The following ERBB4 variants were observed in gnomAD, a reference collection of about 807,000 sequenced individuals.
The protein encoded by ERBB4 is receptor tyrosine-protein kinase erbB-4.
A neutral mutation model predicts 158.0 loss-of-function variants in ERBB4; 42 were observed. The ratio of observed to expected loss-of-function variants is 0.27; its 90% CI spans 0.21 to 0.34. ERBB4 has a LOEUF of 0.34. Ranked by LOEUF, ERBB4 falls within the 10% of genes least tolerant of loss-of-function variation. The pLI is 1.00. For synonymous variants in ERBB4, 583 were observed against 558.7 expected (o/e 1.04, Z -0.61); for missense variants, 1,333 against 1,624.1 (o/e 0.82, Z 3.08).
At chr2:212,526,595 TA>T (rs1416111461) in intron 1 of ERBB4, among the ~76,000 whole-genome samples, 4 of 152,044 alleles carry the variant, frequency 2.6e-5, no homozygotes, top group Non-Finnish European at 4.4e-5. Flanking sequence ...GTTTAGTTGA[TA>T]TTTTTTTAAA....
intron 1 of ERBB4, among the ~76,000 whole-genome samples, chr2:212,487,452 C>T (rs183405375): frequency 2.1e-4 from 32 of 151,306 alleles, no homozygotes; most frequent in Admixed American, 1.6e-3. Context: ...TGGGGAGGTG[C>T]GACAAATAAA....
intron 3 of ERBB4, among the ~76,000 whole-genome samples, chr2:211,790,716 A>G (rs2076260269): frequency 2.0e-5 from 3 of 152,036 alleles, no homozygotes; most frequent in Admixed American, 1.3e-4. Context: ...TCTGCTAGCA[A>G]TTCTGGTCAG....
chr2:211,908,104 C>A (rs2079446196), intron 3 of ERBB4, among the ~76,000 whole-genome samples: 1 of 151,510 alleles, frequency 6.6e-6, no homozygotes, highest in African/African-American at 2.4e-5. Context: ...ATACAGACAA[C>A]ACAAGAGAGG....
intron 1 of ERBB4, among the ~76,000 whole-genome samples, chr2:212,371,455 A>T (rs1270286548): frequency 6.6e-6 from 1 of 152,168 alleles, no homozygotes; most frequent in African/African-American, 2.4e-5. Flanking sequence ...CATCTCCTAC[A>T]TGCTGGTTTC....
intron 4 of ERBB4, among the ~76,000 whole-genome samples, chr2:211,765,572 G>A (rs544141342): frequency 1.3e-5 from 2 of 152,076 alleles, no homozygotes; most frequent in African/African-American, 4.8e-5. Flanking sequence ...AAAACTGCAT[G>A]ATGGTAATCA....
At chr2:212,473,238 C>T (rs929869824) in intron 1 of ERBB4, among the ~76,000 whole-genome samples, 5 of 151,774 alleles carry the variant, frequency 3.3e-5, no homozygotes, top group African/African-American at 4.8e-5. Flanking sequence ...CTGACAGGCT[C>T]GGGGGTGTGA....
chr2:212,060,813 G>T (rs1433855017), intron 2 of ERBB4, among the ~76,000 whole-genome samples: 1 of 150,100 alleles, frequency 6.7e-6, no homozygotes, highest in Non-Finnish European at 1.5e-5. Flanking sequence ...CCTGTCATGG[G>T]GTGGGGAGAT....
chr2:212,430,529 C>T (rs2092005321), intron 1 of ERBB4, among the ~76,000 whole-genome samples: 1 of 151,904 alleles, frequency 6.6e-6, no homozygotes, highest in African/African-American at 2.4e-5. Context: ...CAGCCTCCAC[C>T]TCCTGGGTTG....
At chr2:212,286,211 A>G (rs957676776) in intron 1 of ERBB4, among the ~76,000 whole-genome samples, 25 of 152,198 alleles carry the variant, frequency 1.6e-4, no homozygotes, top group Non-Finnish European at 3.2e-4. Context: ...CGGTTTACTG[A>G]AGCATTAAAC....
At chr2:212,273,226 C>T (rs1343496609) in intron 1 of ERBB4, among the ~76,000 whole-genome samples, 1 of 151,754 alleles carries the variant, frequency 6.6e-6, no homozygotes, top group Non-Finnish European at 1.5e-5. Flanking sequence ...AGTATCTTCA[C>T]ATGCAAGAGT....
chr2:212,006,471 C>T (rs2125295576), intron 2 of ERBB4, among the ~76,000 whole-genome samples: 1 of 152,088 alleles, frequency 6.6e-6, no homozygotes, highest in South Asian at 2.1e-4. Context: ...TGAAATCATT[C>T]CAGATAACAT....
intron 2 of ERBB4, among the ~76,000 whole-genome samples, chr2:212,090,504 A>G (rs1452766191): frequency 6.6e-6 from 1 of 152,130 alleles, no homozygotes; most frequent in Non-Finnish European, 1.5e-5. Context: ...ATCCTATAGA[A>G]GCATCTAGTC....
Position 211,826,394 on chromosome 2 carries a change from TTAAG to T in ERBB4, c.422-38239_422-38236del, listed in dbSNP as rs374766474. ...AAGTAGTAAATGTTCAAAAAATTTG[TTAAG>T]TAATAAGTTATGAATCATAAAAATA... On this transcript the variant is annotated intron_variant, in intron 3 of 27. Transcript: ENST00000342788. Among the ~76,000 whole-genome samples the T allele has an allele frequency of 1.4e-4, 21 of 152,052 alleles. No individual in the cohort carries two copies. In the East Asian group the frequency reaches 3.9e-3, roughly 28 times the overall value.
chr2:212,516,739 G>T (rs1293933070), intron 1 of ERBB4, among the ~76,000 whole-genome samples: 5 of 152,080 alleles, frequency 3.3e-5, no homozygotes. Context: ...AATAGTGAAT[G>T]TATTAAACTC....
chr2:212,131,983 C>T (rs906416114), intron 1 of ERBB4, among the ~76,000 whole-genome samples: 1 of 152,050 alleles, frequency 6.6e-6, no homozygotes, highest in Admixed American at 6.6e-5. Context: ...GTATTTATTC[C>T]TTATTATGTT....
At chr2:212,300,692 T>TA (rs1458507009) in intron 1 of ERBB4, among the ~76,000 whole-genome samples, 13 of 151,450 alleles carry the variant, frequency 8.6e-5, no homozygotes, top group African/African-American at 3.1e-4. Flanking sequence ...TATTATCTCA[T>TA]GAGATGCTCA....
chr2:212,524,246 T>C (rs1426983223), intron 1 of ERBB4, among the ~76,000 whole-genome samples: 5 of 152,074 alleles, frequency 3.3e-5, no homozygotes, highest in Non-Finnish European at 7.4e-5. Flanking sequence ...TATTGTATTT[T>C]AACTTTGTAA....
At chr2:211,973,392 G>C (rs932223148) in intron 2 of ERBB4, among the ~76,000 whole-genome samples, 1 of 151,886 alleles carries the variant, frequency 6.6e-6, no homozygotes, top group Non-Finnish European at 1.5e-5. Context: ...TAGTAGAGAC[G>C]GGGTTTCACC....
intron 1 of ERBB4, among the ~76,000 whole-genome samples, chr2:212,489,577 TATAA>T (rs936453948): frequency 6.6e-6 from 1 of 151,904 alleles, no homozygotes; most frequent in Non-Finnish European, 1.5e-5. Flanking sequence ...ATGTAAGAAA[TATAA>T]ATATTTATCT....
Sources: allele counts gnomAD v4.1 joint callset (sites outside exome capture counted in the v4.1 genomes callset), GRCh38; gene constraint gnomAD v4.1.1; transcripts MANE v1.5; gene names NCBI Gene and HGNC (gene_info 2026-07-23, HGNC 2026-07-21).